RGS17: variants seen among roughly 807,000 people sequenced by gnomAD.
RGS17 encodes regulator of G-protein signaling 17.
Under a neutral mutation model 25.5 loss-of-function variants are expected in RGS17, and 12 were observed. The ratio of observed to expected loss-of-function variants is 0.47; its 90% CI spans 0.30 to 0.76. The LOEUF is 0.76. RGS17 is among the 30% of genes least tolerant of loss of function. The probability of loss-of-function intolerance (pLI) is 0.07; values close to 1 mark genes in which losing one functional copy is unlikely to be tolerated. For synonymous variants in RGS17, 71 were observed against 76.9 expected, an observed-to-expected ratio of 0.92 and a Z score of 0.40; for missense variants, 196 against 242.2, an observed-to-expected ratio of 0.81 and a Z score of 1.27.
chr6:153,060,805 T>C (rs572359897), intron 1 of RGS17, among the ~76,000 whole-genome samples: 1 of 152,206 alleles, frequency 6.6e-6, no homozygotes, highest in East Asian at 1.9e-4. Context: ...AATAAATCTA[T>C]CTTGCAGTGA....
Position 153,009,284 on chromosome 6 carries a change from T to C in RGS17, c.*2290A>G, listed in dbSNP as rs752528493. 5 of 152,126 alleles carry C rather than the reference T, an allele frequency of 3.3e-5. No homozygotes were observed. The highest frequency in any genetic ancestry group is 7.4e-5 in the Non-Finnish European group (5 of 67,966). 9.4% of individuals were successfully genotyped at this position (152,126 alleles called of 1,614,324 possible). A position where few individuals can be genotyped will look rare whatever the true frequency, so the allele number is the denominator to read the frequency against. ...CATTTAAAAAGATGGATGCATGCAGTGTATCACAGTATATTACATATTTTC... is the reference window on the plus strand; with the variant it reads ...CATTTAAAAAGATGGATGCATGCAGCGTATCACAGTATATTACATATTTTC... On this transcript the variant is annotated 3_prime_UTR_variant, in exon 5 of 5. Coordinates refer to ENST00000206262, the MANE Select transcript of RGS17 (RefSeq NM_012419.5).
At chr6:153,093,563 T>C (rs545122511) in intron 1 of RGS17, among the ~76,000 whole-genome samples, 102 of 152,296 alleles carry the variant, frequency 6.7e-4, no homozygotes, top group Middle Eastern at 3.4e-3. Context: ...ACTTTAAGGA[T>C]GAGGACTAAA....
chr6:153,127,435 TCAG>T (rs1410720892), intron 1 of RGS17, among the ~76,000 whole-genome samples: 1 of 152,230 alleles, frequency 6.6e-6, no homozygotes, highest in African/African-American at 2.4e-5. Flanking sequence ...AGCACTATGT[TCAG>T]TACTTTATAT....
intron 1 of RGS17, among the ~76,000 whole-genome samples, chr6:153,125,647 G>A (rs1252509177): frequency 6.6e-6 from 1 of 152,096 alleles, no homozygotes; most frequent in Non-Finnish European, 1.5e-5. Flanking sequence ...TGGGTGGATT[G>A]CTTGAGCCCA....
intron 1 of RGS17, among the ~76,000 whole-genome samples, chr6:153,060,447 A>C (rs1339081351): frequency 6.6e-6 from 1 of 152,192 alleles, no homozygotes; most frequent in African/African-American, 2.4e-5. Context: ...GGTGCCCAGC[A>C]CTGCTCCATC....
intron 1 of RGS17, among the ~76,000 whole-genome samples, chr6:153,098,164 G>C (rs1777245205): frequency 6.6e-6 from 1 of 152,148 alleles, no homozygotes; most frequent in Admixed American, 6.5e-5. Context: ...AGGCCTATCA[G>C]CAATTAAAGA....
chr6:153,019,344 T>G (rs565389958), intron 4 of RGS17, among the ~76,000 whole-genome samples: 2 of 152,346 alleles, frequency 1.3e-5, no homozygotes, highest in South Asian at 4.1e-4. Flanking sequence ...TTATAGTTAT[T>G]TCTTTGTTCA....
intron 1 of RGS17, among the ~76,000 whole-genome samples, chr6:153,087,344 A>G (rs910330602): frequency 7.2e-5 from 11 of 152,228 alleles, no homozygotes; most frequent in African/African-American, 2.7e-4. Flanking sequence ...GATATACATA[A>G]TGATGAAAAA....
chr6:153,079,381 A>G (rs1301946515), intron 1 of RGS17, among the ~76,000 whole-genome samples: 2 of 152,182 alleles, frequency 1.3e-5, no homozygotes, highest in Non-Finnish European at 2.9e-5. Flanking sequence ...CCTGGCCAAC[A>G]TTCTTGGTTT....
At chr6:153,086,183 A>T (rs1777050256) in intron 1 of RGS17, among the ~76,000 whole-genome samples, 1 of 152,212 alleles carries the variant, frequency 6.6e-6, no homozygotes, top group Non-Finnish European at 1.5e-5. Flanking sequence ...AAAAATACTA[A>T]AAAAACACAG....
chr6:153,101,422 TG>T (rs1777302204), intron 1 of RGS17, among the ~76,000 whole-genome samples: 1 of 152,192 alleles, frequency 6.6e-6, no homozygotes, highest in Admixed American at 6.5e-5. Context: ...CAATCCGCCA[TG>T]GAGGCCAAGG....
intron 2 of RGS17, among the ~76,000 whole-genome samples, chr6:153,030,262 T>C (rs1449045004): frequency 6.6e-6 from 1 of 152,204 alleles, no homozygotes; most frequent in Non-Finnish European, 1.5e-5. Context: ...CTGCCAATTA[T>C]ACAGTTTATC....
intron 1 of RGS17, among the ~76,000 whole-genome samples, chr6:153,120,027 G>GT (rs1418110151): frequency 6.6e-6 from 1 of 152,134 alleles, no homozygotes; most frequent in East Asian, 1.9e-4. Context: ...ATTTTGTTTT[G>GT]TAAGTGAATT....
intron 4 of RGS17, among the ~76,000 whole-genome samples, chr6:153,022,299 TA>T (rs1779255225): frequency 1.3e-5 from 2 of 152,174 alleles, no homozygotes; most frequent in African/African-American, 4.8e-5. Context: ...ATTGTAACTC[TA>T]AACATGCCTC....
At chr6:153,128,220 A>G (rs571452348) in intron 1 of RGS17, among the ~76,000 whole-genome samples, 46 of 152,286 alleles carry the variant, frequency 3.0e-4, no homozygotes, top group African/African-American at 1.1e-3. Flanking sequence ...TCACACTTAC[A>G]CTCTAACTAT....
intron 4 of RGS17, among the ~76,000 whole-genome samples, chr6:153,016,194 C>T (rs961418473): frequency 4.6e-5 from 7 of 152,260 alleles, no homozygotes; most frequent in African/African-American, 1.7e-4. Flanking sequence ...CTATCAAGTA[C>T]AAAGTAATTT....
chr6:153,119,567 C>T lies in RGS17; in HGVS notation c.-26+11557G>A, dbSNP rs952426922. Among the ~76,000 whole-genome samples, 6 of 152,164 alleles carry T rather than the reference C, an allele frequency of 3.9e-5. No individual in the cohort carries two copies. The South Asian group carries it at 8.3e-4, about 21-fold the overall frequency. On this transcript the variant is annotated intron_variant, in intron 1 of 4. Transcript: ENST00000206262. ...AATTAGCTGGCTGTGGTGGTGGGCA[C>T]CTGTAATCACAGCTACTTTGGAGGC...
intron 1 of RGS17, among the ~76,000 whole-genome samples, chr6:153,115,407 C>T (rs1006302122): frequency 1.3e-5 from 2 of 152,106 alleles, no homozygotes; most frequent in Non-Finnish European, 2.9e-5. Flanking sequence ...AACTACAAAC[C>T]ACTGCTCAAG....
At chr6:153,112,691 C>A (rs1240885730) in intron 1 of RGS17, among the ~76,000 whole-genome samples, 3 of 152,138 alleles carry the variant, frequency 2.0e-5, no homozygotes, top group African/African-American at 7.2e-5. Context: ...GGGTTACCCA[C>A]AAAGGGAAGC....
Sources: gnomAD v4.1 joint callset for allele counts (sites outside exome capture counted in the v4.1 genomes callset) on GRCh38, gnomAD v4.1.1 for gene constraint, MANE v1.5 for transcripts, NCBI Gene and HGNC (gene_info 2026-07-23, HGNC 2026-07-21) for gene names.